KANSL2: variants seen among roughly 807,000 people sequenced by gnomAD.
KANSL2 encodes NSL complex protein NSL2.
A neutral mutation model predicts 55.6 loss-of-function variants in KANSL2; 34 were observed. The observed-to-expected ratio is 0.61, with a 90% CI of 0.46 to 0.81. KANSL2 has a LOEUF of 0.81. KANSL2 is among the 40% of genes least tolerant of loss of function. KANSL2 has a pLI of 0.00. For synonymous variants in KANSL2, 209 were observed against 214.3 expected (o/e 0.98, Z 0.22); for missense variants, 502 against 609.9 (o/e 0.82, Z 1.86).
rs34049861 is a variant in KANSL2 at position 48,669,220 on chromosome 12, G to A, written c.762C>T (p.Asn254=). The A allele has an allele frequency of 1.5e-3, 2,329 of 1,569,854 alleles. 2 individuals are homozygous for A. The highest frequency in any genetic ancestry group is 2.0e-3 in the Non-Finnish European group (2,256 of 1,156,458). ...PEGLLAKERE[N]LKRLKCLRRY... The stretch of plus-strand genomic sequence containing the variant: ...GTCGCAGACATTTTAATCGCTTTAA[G>A]TTCTCTCGTTCTTTGGCCAAAAGTC... Residue 254 remains asparagine (N), a synonymous_variant, in exon 6 of 10, where the codon AAC becomes AAT. Transcript: ENST00000420613.
At chr12:48,672,106 T>G in intron 4 of KANSL2, 144 bp from the exon 5 acceptor site, 1 of 540,570 alleles carries the variant, frequency 1.8e-6, no homozygotes, top group South Asian at 5.1e-5. Flanking sequence ...CATTGTACCA[T>G]TCAAGTTGTT....
In KANSL2 at chr12:48,681,465, T is replaced by C; in HGVS notation, c.168A>G (p.Ala56=). 1 of 1,613,918 alleles carries C rather than the reference T, an allele frequency of 6.2e-7. No homozygotes were observed. The highest frequency in any genetic ancestry group is 8.5e-7 in the Non-Finnish European group (1 of 1,179,862). Residue 56 remains alanine (A), a synonymous_variant, in exon 2 of 10, where the codon GCA becomes GCG. Transcript: ENST00000420613. ...ATATATAACTACACTGCTTGAAGGG[T>C]GCATTCTTGTCTTCAAGGATATGCT... is the stretch of plus-strand genomic sequence containing the variant. ...CIKHILEDKN[A]PFKQCSYIST...
At chr12:48,661,649 C>T (rs965012661) in intron 7 of KANSL2, among the ~76,000 whole-genome samples, 6 of 152,178 alleles carry the variant, frequency 3.9e-5, no homozygotes, top group African/African-American at 1.4e-4. Context: ...AACTAACATA[C>T]ATTATAATTT....
rs546862163 is a variant in KANSL2, at chr12:48,679,639, G to C, written c.430+16C>G. ...CTTTCTTCCTCCTTTTTCATTCCAGGAGAGAAGGTCCTTACCTAGTATTCG... is the reference window on the plus strand; with the variant it reads ...CTTTCTTCCTCCTTTTTCATTCCAGCAGAGAAGGTCCTTACCTAGTATTCG... On this transcript the variant is annotated intron_variant, in intron 3 of 9. Transcript: ENST00000420613. 7.5e-6 allele frequency: 12 copies of C among 1,607,704 alleles called. No homozygotes were observed. Among genetic ancestry groups the C allele is most frequent in the Non-Finnish European group, 1.0e-5 (12 of 1,176,328 alleles).
intron 7 of KANSL2, among the ~76,000 whole-genome samples, chr12:48,666,043 T>C (rs1939591597): frequency 6.6e-6 from 1 of 151,476 alleles, no homozygotes; most frequent in Admixed American, 6.6e-5. Context: ...TGACACAACC[T>C]CTCTACAAAA....
At chr12:48,670,895 T>G (rs889203841) in intron 5 of KANSL2, among the ~76,000 whole-genome samples, 2 of 151,990 alleles carry the variant, frequency 1.3e-5, no homozygotes, top group African/African-American at 2.4e-5. Flanking sequence ...GTCCAGGAGT[T>G]GAAGGCTGCA....
intron 7 of KANSL2, chr12:48,661,267 G>A (rs762681811): frequency 1.2e-4 from 109 of 918,456 alleles, no homozygotes; most frequent in Non-Finnish European, 1.3e-4. Flanking sequence ...AAAATTTTGT[G>A]TATGAAGGCC....
chr12:48,677,168 T>C (rs1235257925), intron 4 of KANSL2, among the ~76,000 whole-genome samples: 1 of 152,246 alleles, frequency 6.6e-6, no homozygotes, highest in Non-Finnish European at 1.5e-5. Flanking sequence ...AGTTGCCTAA[T>C]AGCTGACCAT....
intron 8 of KANSL2, among the ~76,000 whole-genome samples, chr12:48,658,067 C>T (rs1309581510): frequency 6.6e-6 from 1 of 151,668 alleles, no homozygotes; most frequent in Non-Finnish European, 1.5e-5. Flanking sequence ...CCTGTCTCTA[C>T]TAAAAATACA....
chr12:48,659,299 A>G (rs1939446841), intron 8 of KANSL2, among the ~76,000 whole-genome samples: 1 of 150,796 alleles, frequency 6.6e-6, no homozygotes, highest in South Asian at 2.1e-4. Context: ...GTCTAAAAAA[A>G]AAAAAGCCAA....
chr12:48,680,976 C>A (rs574960686), intron 2 of KANSL2, among the ~76,000 whole-genome samples: 149 of 151,714 alleles, frequency 9.8e-4, no homozygotes, highest in African/African-American at 3.5e-3. Flanking sequence ...TGCGCCGCCC[C>A]CCCGCCAAAA....
chr12:48,660,753 C>A (rs1019938575), intron 7 of KANSL2, 134 bp from the exon 8 acceptor site: 2 of 901,294 alleles, frequency 2.2e-6, no homozygotes, highest in Non-Finnish European at 3.2e-6. Context: ...TACAGAATAC[C>A]AAATGCAGTT....
chr12:48,673,626 T>C (rs928906335), intron 4 of KANSL2, among the ~76,000 whole-genome samples: 1 of 151,516 alleles, frequency 6.6e-6, no homozygotes, highest in Non-Finnish European at 1.5e-5. Flanking sequence ...TGGTAGACTG[T>C]TCTCTGGCTC....
intron 8 of KANSL2, chr12:48,658,486 G>A (rs1202048221): frequency 2.6e-5 from 4 of 152,188 alleles, no homozygotes; most frequent in Non-Finnish European, 5.9e-5. Context: ...TGGGCGCGAT[G>A]TCTCATGTCT....
intron 4 of KANSL2, among the ~76,000 whole-genome samples, chr12:48,676,826 T>C (rs1323844827): frequency 6.6e-6 from 1 of 152,122 alleles, no homozygotes; most frequent in South Asian, 2.1e-4. Context: ...TAGGATCAAG[T>C]CTCTAGCAAC....
chr12:48,662,072 T>C lies in KANSL2; in HGVS notation c.974-1453A>G, dbSNP rs80121454. ...TATCTAATGTGCTTAAGAAGCCCAC[T>C]CTTAATATTTAAAATATTATCCATT... On this transcript the variant is annotated intron_variant, in intron 7 of 9. Coordinates refer to ENST00000420613, the MANE Select transcript of KANSL2 (RefSeq NM_017822.4). Among the ~76,000 whole-genome samples the C allele has an allele frequency of 5.9e-3, 895 of 152,346 alleles. 8 individuals are homozygous for C. The highest frequency in any genetic ancestry group is 0.02 in the African/African-American group (817 of 41,574).
rs549144963 is a variant in KANSL2 at position 48,663,267 on chromosome 12, T to C, written c.974-2648A>G. On this transcript the variant is annotated intron_variant, in intron 7 of 9. Coordinates refer to ENST00000420613, the MANE Select transcript of KANSL2 (RefSeq NM_017822.4). Reference sequence around the variant, plus strand: ...TGAGGAAATATGAATTACTGTCAGATTGCTTTCCAAAAAGCTTTTATCTAT... The same window carrying C: ...TGAGGAAATATGAATTACTGTCAGACTGCTTTCCAAAAAGCTTTTATCTAT... Among the ~76,000 whole-genome samples the C allele has an allele frequency of 3.9e-4, 60 of 152,306 alleles. 1 individual carries two copies. The highest frequency in any genetic ancestry group is 1.3e-3 in the African/African-American group (55 of 41,582).
intron 4 of KANSL2, among the ~76,000 whole-genome samples, chr12:48,673,796 CAA>C (rs1273508522): frequency 6.6e-6 from 1 of 151,496 alleles, no homozygotes; most frequent in Non-Finnish European, 1.5e-5. Context: ...ACAAAAAATA[CAA>C]AAGTTAGCTG....
chr12:48,656,282 T>G lies in KANSL2; in HGVS notation c.1228-1222A>C, dbSNP rs140308621. 2.2e-3 allele frequency among the ~76,000 whole-genome samples: 336 copies of G among 150,016 alleles called. 2 individuals carry two copies. The highest frequency in any genetic ancestry group is 4.9e-3 in the African/African-American group (200 of 40,754). On this transcript the variant is annotated intron_variant, in intron 8 of 9. Transcript: ENST00000420613. ...AACCTGGTTTTTTTTGTTTTGTTTT[T>G]TTTTTTTTTGAGACAGAGTCTCGCT...
Sources: gnomAD v4.1 joint callset for allele counts (sites outside exome capture counted in the v4.1 genomes callset) on GRCh38, gnomAD v4.1.1 for gene constraint, MANE v1.5 for transcripts, NCBI Gene and HGNC (gene_info 2026-07-23, HGNC 2026-07-21) for gene names.